The following ADAM23 variants were observed in gnomAD, a reference collection of about 807,000 sequenced individuals.
The protein encoded by ADAM23 is ADAM metallopeptidase domain 23, also known as disintegrin and metalloproteinase domain-containing protein 23.
ADAM23 carries 33 observed loss-of-function variants against 120.1 expected under a neutral mutation model. That is an observed-to-expected ratio of 0.27 (90% CI 0.21 to 0.37). ADAM23 has a LOEUF of 0.37. ADAM23 is among the 10% of genes least tolerant of loss of function. ADAM23 has a pLI of 1.00. For missense variants in ADAM23, 862 were observed against 1,058.2 expected (o/e 0.81, Z 2.57); for synonymous variants, 367 against 375.2 (o/e 0.98, Z 0.25).
intron 16 of ADAM23, among the ~76,000 whole-genome samples, chr2:206,571,012 T>C (rs1184579018): frequency 6.6e-6 from 1 of 152,228 alleles, no homozygotes; most frequent in Non-Finnish European, 1.5e-5. Flanking sequence ...AATAGATTCT[T>C]CTAATTAAAT....
At chr2:206,609,706 CTT>C in intron 24 of ADAM23, 1 of 507,510 alleles carries the variant, frequency 2.0e-6, no homozygotes, top group South Asian at 2.8e-5. Flanking sequence ...GGTGCAGAAA[CTT>C]TAGATTTAAA....
Position 206,592,476 on chromosome 2 carries a change from C to T in ADAM23, c.1959-141C>T. The T allele has an allele frequency of 1.2e-5, 13 of 1,062,574 alleles. 1 individual carries two copies. In the South Asian group the frequency reaches 2.3e-4, roughly 19 times the overall value. 65.8% of individuals were successfully genotyped at this position (1,062,574 alleles called of 1,614,324 possible). ...CAAAGAAGGAGGAGGTTATCACCTA[C>T]CAATGATATATGATCAAATGTTTTT... On this transcript the variant is annotated intron_variant, in intron 21 of 25. Coordinates refer to ENST00000264377, the MANE Select transcript of ADAM23 (RefSeq NM_003812.4).
intron 2 of ADAM23, among the ~76,000 whole-genome samples, chr2:206,457,816 A>G (rs1695329555): frequency 6.6e-6 from 1 of 152,240 alleles, no homozygotes; most frequent in African/African-American, 2.4e-5. Flanking sequence ...ATATTTTCTA[A>G]TACAGAAGTA....
intron 4 of ADAM23, among the ~76,000 whole-genome samples, chr2:206,531,883 C>G (rs1364383306): frequency 1.3e-5 from 2 of 152,204 alleles, no homozygotes; most frequent in East Asian, 3.8e-4. Context: ...CTGATGGCTT[C>G]TCAGCAAATG....
chr2:206,450,660 C>T (rs772790221), intron 2 of ADAM23, among the ~76,000 whole-genome samples: 41 of 152,278 alleles, frequency 2.7e-4, no homozygotes, highest in Non-Finnish European at 4.4e-4. Flanking sequence ...GCAAAAATGC[C>T]TGTATCAACA....
In ADAM23 at chr2:206,587,314, A is replaced by G; in HGVS notation, c.1738-11A>G. ...ATGCTGAATATTAACTAAAAAGATA[A>G]TATTTTGCAGTGCCCACCAAATCTT... On this transcript the variant is annotated splice_polypyrimidine_tract_variant and intron_variant, in intron 18 of 25. Coordinates refer to ENST00000264377, the MANE Select transcript of ADAM23 (RefSeq NM_003812.4). The G allele has an allele frequency of 1.9e-6, 3 of 1,599,750 alleles. No homozygotes were observed. The highest frequency in any genetic ancestry group is 2.6e-6 in the Non-Finnish European group (3 of 1,170,112).
intron 15 of ADAM23, among the ~76,000 whole-genome samples, chr2:206,568,297 GTATA>G (rs1697929811): frequency 6.6e-6 from 1 of 152,144 alleles, no homozygotes; most frequent in African/African-American, 2.4e-5. Flanking sequence ...CAAACTTTGT[GTATA>G]TAGTGTCACA....
At chr2:206,523,661 T>G (rs956829548) in intron 3 of ADAM23, among the ~76,000 whole-genome samples, 5 of 152,126 alleles carry the variant, frequency 3.3e-5, no homozygotes, top group Admixed American at 6.5e-5. Context: ...AAGTAATGGT[T>G]GAAAAATTGT....
intron 3 of ADAM23, among the ~76,000 whole-genome samples, chr2:206,515,914 T>C (rs1349690732): frequency 1.3e-5 from 2 of 152,086 alleles, no homozygotes; most frequent in Admixed American, 6.6e-5. Context: ...TCATTTTGTC[T>C]CATACTCAAA....
intron 18 of ADAM23, among the ~76,000 whole-genome samples, chr2:206,584,519 C>T (rs1698283060): frequency 1.3e-5 from 2 of 152,248 alleles, no homozygotes; most frequent in South Asian, 2.1e-4. Flanking sequence ...ACTTTCCTGA[C>T]AACCTGCATG....
chr2:206,463,758 G>T, intron 2 of ADAM23, among the ~76,000 whole-genome samples: 1 of 152,244 alleles, frequency 6.6e-6, no homozygotes, highest in South Asian at 2.1e-4. Flanking sequence ...AGATGGAAAT[G>T]TGGGAGCCTT....
At chr2:206,488,172 G>A (rs1360291281) in intron 3 of ADAM23, among the ~76,000 whole-genome samples, 1 of 152,180 alleles carries the variant, frequency 6.6e-6, no homozygotes, top group Admixed American at 6.5e-5. Flanking sequence ...GACTGACATG[G>A]TTAATTCATT....
chr2:206,515,767 A>G (rs1253713177), intron 3 of ADAM23, among the ~76,000 whole-genome samples: 1 of 152,042 alleles, frequency 6.6e-6, no homozygotes, highest in Non-Finnish European at 1.5e-5. Flanking sequence ...TGCTATTTTT[A>G]GAGAAGGAGA....
At chr2:206,590,613 AACTTTGCAT>A (rs953985487) in intron 21 of ADAM23, among the ~76,000 whole-genome samples, 1 of 152,176 alleles carries the variant, frequency 6.6e-6, no homozygotes, top group African/African-American at 2.4e-5. Flanking sequence ...TATTTTACAA[AACTTTGCAT>A]TTCCATTTAG....
At chr2:206,614,679 C>T (rs1441357547) in intron 25 of ADAM23, among the ~76,000 whole-genome samples, 2 of 151,948 alleles carry the variant, frequency 1.3e-5, no homozygotes, top group Non-Finnish European at 2.9e-5. Flanking sequence ...ATCTGAATGT[C>T]AAGTCAGATA....
chr2:206,556,380 A>G (rs956065812), intron 9 of ADAM23, among the ~76,000 whole-genome samples: 7 of 152,208 alleles, frequency 4.6e-5, no homozygotes, highest in Admixed American at 3.9e-4. Flanking sequence ...AAGGACAAAT[A>G]AAAGAATTTT....
intron 2 of ADAM23, among the ~76,000 whole-genome samples, chr2:206,449,447 G>A (rs1033742662): frequency 3.9e-5 from 6 of 152,162 alleles, no homozygotes; most frequent in Non-Finnish European, 5.9e-5. Context: ...GAGAGTTAAG[G>A]AAGCTTTTCC....
At chr2:206,503,278 G>T (rs1559237387) in intron 3 of ADAM23, among the ~76,000 whole-genome samples, 2 of 152,158 alleles carry the variant, frequency 1.3e-5, no homozygotes, top group East Asian at 3.9e-4. Context: ...CCTAGGCATA[G>T]TTACTCTCTG....
Position 206,561,223 on chromosome 2 carries a change from C to T in ADAM23, c.1254+11C>T, listed in dbSNP as rs1404006186. The T allele has an allele frequency of 4.4e-6, 7 of 1,608,306 alleles. No homozygotes were observed. Among genetic ancestry groups the T allele is most frequent in the African/African-American group, 1.3e-5 (1 of 74,922 alleles). ...GTTGGTGTGAATGAGGTAAATTTTACCAATTAGAGTTTCATCTTTGCATCT... is the reference window on the plus strand; with the variant it reads ...GTTGGTGTGAATGAGGTAAATTTTATCAATTAGAGTTTCATCTTTGCATCT... On this transcript the variant is annotated intron_variant, in intron 12 of 25. Coordinates refer to ENST00000264377, the MANE Select transcript of ADAM23 (RefSeq NM_003812.4).
Sources: gnomAD v4.1 joint callset for allele counts (sites outside exome capture counted in the v4.1 genomes callset) on GRCh38, gnomAD v4.1.1 for gene constraint, MANE v1.5 for transcripts, NCBI Gene and HGNC (gene_info 2026-07-23, HGNC 2026-07-21) for gene names.